Variants in UHRF2 observed in about 807,000 individuals in gnomAD.
The protein encoded by UHRF2 is E3 ubiquitin-protein ligase UHRF2.
A neutral mutation model predicts 96.8 loss-of-function variants in UHRF2; 23 were observed. That is an observed-to-expected ratio of 0.24 (90% confidence interval 0.17 to 0.34). The LOEUF is 0.34. UHRF2 is among the 10% of genes least tolerant of loss of function. UHRF2 has a pLI of 1.00. For synonymous variants in UHRF2, 385 were observed against 332.6 expected (o/e 1.16, Z -1.72); for missense variants, 685 against 981.5 (o/e 0.70, Z 4.04).
intron 4 of UHRF2, among the ~76,000 whole-genome samples, chr9:6,461,678 C>T (rs13285688): frequency 0.023 from 3,510 of 151,950 alleles, 73 homozygotes; most frequent in Non-Finnish European, 0.038. Flanking sequence ...AGCTTTCTAT[C>T]ATTAATTTTT....
rs548579366 is a variant in UHRF2, at chr9:6,418,530, A to G, written c.154-2382A>G. ...TGAGTTCAAATTACTGATCTAGTAG[A>G]TTAAAAGTTTTAAATTCAGGACATA... is the stretch of plus-strand genomic sequence containing the variant. On this transcript the variant is annotated intron_variant, in intron 1 of 15. Coordinates refer to ENST00000276893, the MANE Select transcript of UHRF2 (RefSeq NM_152896.3). 3.3e-4 allele frequency among the ~76,000 whole-genome samples: 50 copies of G among 152,298 alleles called. 3 individuals carry two copies. Among genetic ancestry groups the G allele is most frequent in the Admixed American group, 3.3e-3 (50 of 15,290 alleles).
At chr9:6,440,438 T>G (rs1821093807) in intron 3 of UHRF2, among the ~76,000 whole-genome samples, 1 of 152,196 alleles carries the variant, frequency 6.6e-6, no homozygotes, top group Non-Finnish European at 1.5e-5. Context: ...GCCCAAGAGT[T>G]AACCAATATG....
In UHRF2 at chr9:6,413,616, C is replaced by T. The variant is rs772436084; in HGVS notation, c.126C>T (p.Cys42=). The T allele has an allele frequency of 1.3e-6, 2 of 1,597,624 alleles. No homozygotes were observed. Among genetic ancestry groups the T allele is most frequent in the Non-Finnish European group, 1.7e-6 (2 of 1,173,256 alleles). The change falls in exon 1 of 16, where the codon TGC becomes TGT. Residue 42 remains cysteine, a synonymous_variant. Transcript: ENST00000276893. ...VWALFDVRPE[C]QRLFYRGKQL... ...CGCTGTTCGACGTGCGGCCCGAATGCCAGCGCCTCTTCTACCGGGGCAAGC... is the reference window on the plus strand; with the variant it reads ...CGCTGTTCGACGTGCGGCCCGAATGTCAGCGCCTCTTCTACCGGGGCAAGC...
chr9:6,454,306 A>C (rs150612362), intron 3 of UHRF2, among the ~76,000 whole-genome samples: 1 of 152,362 alleles, frequency 6.6e-6, no homozygotes, highest in African/African-American at 2.4e-5. Flanking sequence ...ACAAGGATCC[A>C]AAACCTTGTC....
chr9:6,501,664 T>G (rs1816298067), intron 14 of UHRF2, among the ~76,000 whole-genome samples: 1 of 152,238 alleles, frequency 6.6e-6, no homozygotes, highest in Non-Finnish European at 1.5e-5. Context: ...AAATGAAGCT[T>G]ACATGTTTAG....
chr9:6,478,188 T>A (rs1340368157), intron 6 of UHRF2, among the ~76,000 whole-genome samples: 1 of 152,274 alleles, frequency 6.6e-6, no homozygotes, highest in Non-Finnish European at 1.5e-5. Flanking sequence ...TACTCTACAC[T>A]GTAGCCAGAT....
intron 4 of UHRF2, among the ~76,000 whole-genome samples, chr9:6,464,250 C>G (rs1239978282): frequency 6.6e-6 from 1 of 152,134 alleles, no homozygotes; most frequent in Admixed American, 6.5e-5. Context: ...TTGTGAGGAC[C>G]TGGTTCCAAT....
chr9:6,489,449 CAT>C (rs1173597007), intron 9 of UHRF2, among the ~76,000 whole-genome samples: 3 of 152,312 alleles, frequency 2.0e-5, no homozygotes, highest in Admixed American at 6.5e-5. Flanking sequence ...ATTCCTGGGT[CAT>C]ATGTGGCAGT....
At chr9:6,465,999 C>G (rs1461947217) in intron 4 of UHRF2, among the ~76,000 whole-genome samples, 1 of 152,132 alleles carries the variant, frequency 6.6e-6, no homozygotes, top group Non-Finnish European at 1.5e-5. Flanking sequence ...TGTTCACTTA[C>G]TACTGTAATA....
At chr9:6,415,643 A>C (rs41306063) in intron 1 of UHRF2, 7 of 152,208 alleles carry the variant, frequency 4.6e-5, no homozygotes, top group African/African-American at 1.4e-4. Flanking sequence ...AAAATGTCAT[A>C]AATTGTAGAC....
chr9:6,435,103 C>G (rs1038418141), intron 3 of UHRF2, among the ~76,000 whole-genome samples: 1 of 152,070 alleles, frequency 6.6e-6, no homozygotes, highest in African/African-American at 2.4e-5. Context: ...AAGCTAGTCT[C>G]CTGCCTCAGC....
chr9:6,468,933 C>T (rs1489564637), intron 4 of UHRF2, among the ~76,000 whole-genome samples: 1 of 152,188 alleles, frequency 6.6e-6, no homozygotes, highest in Admixed American at 6.5e-5. Context: ...GAAGGTTGAA[C>T]TTTCCTTTAT....
chr9:6,488,415 G>T (rs149060698), intron 9 of UHRF2, among the ~76,000 whole-genome samples: 1 of 151,114 alleles, frequency 6.6e-6, no homozygotes, highest in South Asian at 2.1e-4. Context: ...ATACAGTCAG[G>T]CTGAACATTT....
At chr9:6,500,338 T>TG (rs752001077) in intron 13 of UHRF2, among the ~76,000 whole-genome samples, 9 of 152,070 alleles carry the variant, frequency 5.9e-5, no homozygotes, top group Non-Finnish European at 8.8e-5. Flanking sequence ...AGGATTTGGC[T>TG]GGGGGGGCAT....
chr9:6,466,980 CTTTAT>C (rs1332595731), intron 4 of UHRF2, among the ~76,000 whole-genome samples: 2 of 152,120 alleles, frequency 1.3e-5, no homozygotes, highest in African/African-American at 4.8e-5. Flanking sequence ...TTTCTGAATT[CTTTAT>C]TTTATTTATT....
chr9:6,443,201 C>T (rs755349968), intron 3 of UHRF2, among the ~76,000 whole-genome samples: 27 of 152,126 alleles, frequency 1.8e-4, no homozygotes, highest in African/African-American at 5.1e-4. Context: ...GGCAAATGAT[C>T]GCCAGGAGCC....
chr9:6,467,747 A>C (rs1425832355), intron 4 of UHRF2, among the ~76,000 whole-genome samples: 1 of 152,052 alleles, frequency 6.6e-6, no homozygotes, highest in Non-Finnish European at 1.5e-5. Context: ...ACTTTAACTT[A>C]AATACTCTGC....
intron 8 of UHRF2, chr9:6,484,595 A>G (rs1157868629): frequency 7.8e-6 from 1 of 128,970 alleles, no homozygotes; most frequent in East Asian, 2.2e-4. Flanking sequence ...TTTTTTTTGT[A>G]GAGTCTGGGT....
chr9:6,455,850 G>T (rs1822143251), intron 3 of UHRF2, among the ~76,000 whole-genome samples: 1 of 152,126 alleles, frequency 6.6e-6, no homozygotes, highest in South Asian at 2.1e-4. Flanking sequence ...CAGGCATAGT[G>T]GCATGCGTCT....
Sources: allele counts gnomAD v4.1 joint callset (sites outside exome capture counted in the v4.1 genomes callset), GRCh38; gene constraint gnomAD v4.1.1; transcripts MANE v1.5; gene names NCBI Gene and HGNC (gene_info 2026-07-23, HGNC 2026-07-21).